The following AKAP10 variants were observed in gnomAD, a reference collection of about 807,000 sequenced individuals.
AKAP10 encodes the protein A-kinase anchor protein 10, mitochondrial.
AKAP10 carries 24 observed loss-of-function variants against 80.8 expected under a neutral mutation model. The ratio of observed to expected loss-of-function variants is 0.30; its 90% confidence interval spans 0.22 to 0.42. The LOEUF is 0.42. AKAP10 is among the 10% of genes least tolerant of loss of function. AKAP10 has a pLI of 1.00. For missense variants in AKAP10, 661 were observed against 794.9 expected (o/e 0.83, Z 2.03); for synonymous variants, 291 against 277.7 (o/e 1.05, Z -0.48).
At chr17:19,934,344 A>G (rs1226992826) in intron 9 of AKAP10, among the ~76,000 whole-genome samples, 1 of 152,166 alleles carries the variant, frequency 6.6e-6, no homozygotes, top group Non-Finnish European at 1.5e-5. Flanking sequence ...ACGTTGCGGC[A>G]TAATGCCTTC....
intron 9 of AKAP10, among the ~76,000 whole-genome samples, chr17:19,933,454 C>T (rs1188053736): frequency 6.6e-6 from 1 of 152,098 alleles, no homozygotes. Flanking sequence ...TTTTTTCCTA[C>T]CTAACTACCA....
intron 4 of AKAP10, among the ~76,000 whole-genome samples, chr17:19,952,934 T>C (rs533311178): frequency 6.6e-6 from 1 of 152,282 alleles, no homozygotes; most frequent in Non-Finnish European, 1.5e-5. Flanking sequence ...CTAAATCAAC[T>C]TGACATTTAT....
At chr17:19,962,240 A>G (rs1453900985) in intron 3 of AKAP10, among the ~76,000 whole-genome samples, 1 of 152,116 alleles carries the variant, frequency 6.6e-6, no homozygotes, top group African/African-American at 2.4e-5. Context: ...ATCACAAACA[A>G]TACTATAATG....
chr17:19,909,378 A>G (rs577430353), intron 13 of AKAP10, 102 bp from the exon 14 acceptor site: 3 of 1,007,218 alleles, frequency 3.0e-6, no homozygotes, highest in Admixed American at 6.0e-5. Flanking sequence ...CATAATTTCT[A>G]CTTATTTGGA....
chr17:19,937,702 C>T (rs573125804), intron 8 of AKAP10, among the ~76,000 whole-genome samples: 1 of 152,094 alleles, frequency 6.6e-6, no homozygotes, highest in Non-Finnish European at 1.5e-5. Context: ...TTACGTAATA[C>T]CTTCTACAAA....
intron 1 of AKAP10, among the ~76,000 whole-genome samples, chr17:19,976,462 G>A (rs1006494129): frequency 6.6e-5 from 10 of 151,608 alleles, no homozygotes; most frequent in Admixed American, 1.3e-4. Context: ...ACTCGAGCCT[G>A]GGCAACAAGA....
At chr17:19,917,443 G>A (rs950595526) in intron 12 of AKAP10, among the ~76,000 whole-genome samples, 4 of 152,060 alleles carry the variant, frequency 2.6e-5, no homozygotes, top group African/African-American at 7.2e-5. Flanking sequence ...AACCACCACT[G>A]ACCTCTTCCC....
intron 10 of AKAP10, among the ~76,000 whole-genome samples, chr17:19,930,640 G>C (rs1389432635): frequency 1.3e-5 from 2 of 151,920 alleles, no homozygotes; most frequent in Non-Finnish European, 2.9e-5. Flanking sequence ...AAGAAACTTA[G>C]GCTGAAGCAG....
intron 8 of AKAP10, among the ~76,000 whole-genome samples, chr17:19,939,362 G>A (rs181542635): frequency 6.6e-6 from 1 of 152,044 alleles, no homozygotes; most frequent in East Asian, 1.9e-4. Flanking sequence ...TTTCCCCTAC[G>A]TTTCCATGGC....
chr17:19,966,282 G>A (rs986469086), intron 2 of AKAP10, among the ~76,000 whole-genome samples: 3 of 151,862 alleles, frequency 2.0e-5, no homozygotes, highest in East Asian at 1.9e-4. Context: ...TTTTGCCTCC[G>A]AATTTTTTTT....
chr17:19,975,740 G>A (rs1269392394), intron 1 of AKAP10, among the ~76,000 whole-genome samples: 3 of 152,086 alleles, frequency 2.0e-5, no homozygotes, highest in Non-Finnish European at 4.4e-5. Context: ...CTACTCAATC[G>A]TGAGGGCCTA....
intron 4 of AKAP10, among the ~76,000 whole-genome samples, chr17:19,951,122 C>T (rs1309646993): frequency 4.7e-5 from 7 of 150,202 alleles, no homozygotes; most frequent in East Asian, 2.0e-4. Context: ...GCAGCCGCCC[C>T]GTCCGGGAGG....
chr17:19,977,713 G>A lies in AKAP10; in HGVS notation c.-34C>T, dbSNP rs763433109. 6.9e-5 allele frequency: 83 copies of A among 1,208,494 alleles called. 1 individual carries two copies. The Middle Eastern group carries it at 2.1e-3, about 30-fold the overall frequency. 74.9% of individuals were successfully genotyped at this position (1,208,494 alleles called of 1,614,324 possible). On this transcript the variant is annotated 5_prime_UTR_variant, in exon 1 of 15. Coordinates refer to ENST00000225737, the MANE Select transcript of AKAP10 (RefSeq NM_007202.4). Reference sequence around the variant, plus strand: ...CGGCCCGGACTTCCGGGTCCAGAGGGGCCGCTGCACTAGCGCGAAAAGGGA... The same window carrying A: ...CGGCCCGGACTTCCGGGTCCAGAGGAGCCGCTGCACTAGCGCGAAAAGGGA...
At chr17:19,940,840 G>C in intron 7 of AKAP10, 47 bp downstream of exon 7, 2 of 1,530,792 alleles carry the variant, frequency 1.3e-6, no homozygotes, top group Middle Eastern at 1.8e-4. Context: ...TTGATAGTTA[G>C]AGGCTGGAAT....
In AKAP10 at chr17:19,909,905, T is replaced by C. The variant is rs143635673; in HGVS notation, c.1887+21A>G. 7.6e-5 allele frequency: 122 copies of C among 1,610,706 alleles called. No individual in the cohort carries two copies. The African/African-American group carries it at 1.3e-3, about 17-fold the overall frequency. On this transcript the variant is annotated intron_variant, in intron 13 of 14. Coordinates refer to ENST00000225737, the MANE Select transcript of AKAP10 (RefSeq NM_007202.4). ...TGGCACTTATAAACAGAAATCTTTTTATCCTAAAGGTAGGATTTACCTCAT... is the reference window on the plus strand; with the variant it reads ...TGGCACTTATAAACAGAAATCTTTTCATCCTAAAGGTAGGATTTACCTCAT...
intron 12 of AKAP10, among the ~76,000 whole-genome samples, chr17:19,916,930 C>A (rs973678276): frequency 2.0e-5 from 3 of 146,564 alleles, no homozygotes; most frequent in African/African-American, 7.6e-5. Flanking sequence ...GAGCGAGAGT[C>A]TGTCTCAAAA....
chr17:19,946,271 A>ATTTTT (rs2043127009), intron 5 of AKAP10, among the ~76,000 whole-genome samples: 7 of 23,360 alleles, frequency 3.0e-4, no homozygotes, highest in Non-Finnish European at 3.6e-4. Flanking sequence ...ATATATATAT[A>ATTTTT]TATATTTTTT....
Position 19,929,211 on chromosome 17 carries a change from TG to T in AKAP10, c.1641+2593del, listed in dbSNP as rs1468890108. Among the ~76,000 whole-genome samples the T allele has an allele frequency of 5.8e-4, 88 of 151,518 alleles. 1 individual carries two copies. On this transcript the variant is annotated intron_variant, in intron 10 of 14. Transcript: ENST00000225737. ...TAGTGGCTGCCTAGGGCTGGTGGAG[TG>T]GGGGATTTGGAGTTTAAGTAAAGGG...
At chr17:19,955,144 C>T (rs2043259619) in intron 4 of AKAP10, among the ~76,000 whole-genome samples, 2 of 151,944 alleles carry the variant, frequency 1.3e-5, no homozygotes, top group South Asian at 4.2e-4. Flanking sequence ...ACTGCTTGAA[C>T]CCAGGAGGCG....
Sources: allele counts gnomAD v4.1 joint callset (sites outside exome capture counted in the v4.1 genomes callset), GRCh38; gene constraint gnomAD v4.1.1; transcripts MANE v1.5; gene names NCBI Gene and HGNC (gene_info 2026-07-23, HGNC 2026-07-21).